Variants in GLI3 observed in about 807,000 individuals in gnomAD.
The protein encoded by GLI3 is GLI family zinc finger 3, also known as transcription activator GLI3.
A neutral mutation model predicts 100.8 loss-of-function variants in GLI3; 20 were observed. The observed-to-expected ratio is 0.20, with a 90% CI of 0.14 to 0.29. The LOEUF (loss-of-function observed/expected upper bound fraction) is 0.29. Among genes scored for constraint, GLI3 ranks in the 10% least tolerant of loss-of-function variants. GLI3 has a pLI of 1.00. For synonymous variants in GLI3, 938 were observed against 860.5 expected, an observed-to-expected ratio of 1.09 and a Z score of -1.58; for missense variants, 2,040 against 2,128.5, an observed-to-expected ratio of 0.96 and a Z score of 0.82.
rs1157972887 is a variant in GLI3, at chr7:42,113,413, G to C, written c.367+34813C>G. On this transcript the variant is annotated intron_variant, in intron 3 of 14. Coordinates refer to ENST00000395925, the MANE Select transcript of GLI3 (RefSeq NM_000168.6). Reference sequence around the variant, plus strand: ...GGATGCTGAAGGAGATGAAGCCAAGGTGAAGGATGAACCACAGAGAAGATC... The same window carrying C: ...GGATGCTGAAGGAGATGAAGCCAAGCTGAAGGATGAACCACAGAGAAGATC... The C allele has an allele frequency of 8.4e-6, 6 of 716,126 alleles. No individual in the cohort carries two copies. The East Asian group carries it at 1.6e-4, about 19-fold the overall frequency. 44.4% of individuals were successfully genotyped at this position (716,126 alleles called of 1,614,324 possible).
intron 3 of GLI3, among the ~76,000 whole-genome samples, chr7:42,142,429 C>T (rs193226700): frequency 1.3e-5 from 2 of 152,170 alleles, no homozygotes; most frequent in African/African-American, 4.8e-5. Context: ...TCTTTTCTTT[C>T]TCTTCCTGAC....
intron 3 of GLI3, among the ~76,000 whole-genome samples, chr7:42,140,098 T>A (rs963721828): frequency 6.6e-6 from 1 of 152,206 alleles, no homozygotes; most frequent in Non-Finnish European, 1.5e-5. Context: ...CCTTGACAAA[T>A]GCTCCTTTTT....
At chr7:41,968,758 AAGAAGGAAAGAAAG>A (rs1787286290) in intron 13 of GLI3, among the ~76,000 whole-genome samples, 1 of 101,544 alleles carries the variant, frequency 9.8e-6, no homozygotes, top group African/African-American at 3.6e-5. Context: ...GAAAGAAAGA[AAGAAGGAAAGAAAG>A]AAAGAAAGAA....
chr7:42,151,726 T>G lies in GLI3; in HGVS notation c.125-3258A>C, dbSNP rs114582354. On this transcript the variant is annotated intron_variant, in intron 2 of 14. Transcript: ENST00000395925. ...AAAATGACTTTAAATACTGTCATCA[T>G]AATCCCACTTTGTACCTCCTTCTCT... The G allele has an allele frequency of 5.4e-3, 826 of 152,344 alleles. 10 individuals carry two copies. Among genetic ancestry groups the G allele is most frequent in the African/African-American group, 0.019 (784 of 41,576 alleles). 9.4% of individuals were successfully genotyped at this position (152,344 alleles called of 1,614,324 possible). A position where few individuals can be genotyped will look rare whatever the true frequency, so the allele number is the denominator to read the frequency against.
intron 3 of GLI3, chr7:42,145,487 T>G: frequency 2.5e-6 from 1 of 398,420 alleles, no homozygotes; most frequent in Non-Finnish European, 4.4e-6. Context: ...TGAGAAAAGA[T>G]TATGTTCAGA....
chr7:42,132,217 C>T (rs1368491554), intron 3 of GLI3, among the ~76,000 whole-genome samples: 3 of 150,666 alleles, frequency 2.0e-5, no homozygotes, highest in Admixed American at 1.3e-4. Context: ...TCTCCTGCCT[C>T]AGCCTCCCGA....
intron 2 of GLI3, among the ~76,000 whole-genome samples, chr7:42,221,069 AT>A (rs1416058047): frequency 2.0e-5 from 3 of 152,186 alleles, no homozygotes; most frequent in Non-Finnish European, 4.4e-5. Flanking sequence ...GAAACAGGTG[AT>A]TATTTAACAC....
chr7:42,034,869 C>T (rs914205038), intron 7 of GLI3, among the ~76,000 whole-genome samples: 2 of 152,094 alleles, frequency 1.3e-5, no homozygotes, highest in African/African-American at 4.8e-5. Flanking sequence ...TGCTTAGAGG[C>T]TTTTCCCTTC....
At position 42,148,392 on chromosome 7, in the gene GLI3, C is replaced by A; in HGVS notation, c.201G>T (p.Gly67=). Residue 67 remains glycine (G), a synonymous_variant, in exon 3 of 15, where the codon GGG becomes GGT. Transcript: ENST00000395925. ...AITMQPQNVQ[G]LSKVSEEPST... The stretch of plus-strand genomic sequence containing the variant: ...AAGGTTCCTCACTGACTTTGCTGAG[C>A]CCCTGGACATTCTGTGGCTGCATAG... The A allele has an allele frequency of 1.2e-6, 2 of 1,614,126 alleles. No individual in the cohort carries two copies. Among genetic ancestry groups the A allele is most frequent in the South Asian group, 1.1e-5 (1 of 91,080 alleles).
intron 3 of GLI3, among the ~76,000 whole-genome samples, chr7:42,140,476 A>G (rs1261631506): frequency 2.6e-5 from 4 of 152,248 alleles, no homozygotes; most frequent in Non-Finnish European, 5.9e-5. Flanking sequence ...GCCCCCCTCA[A>G]AAGAAGTGAA....
At chr7:42,025,468 C>A in intron 8 of GLI3, 91 bp from the exon 9 acceptor site, 1 of 909,184 alleles carries the variant, frequency 1.1e-6, no homozygotes, top group Non-Finnish European at 1.8e-6. Context: ...TCGGGACAAG[C>A]GGTCTTATTT....
At chr7:42,055,105 GTATATATACACA>G (rs913943030) in intron 4 of GLI3, among the ~76,000 whole-genome samples, 57 of 138,624 alleles carry the variant, frequency 4.1e-4, no homozygotes, top group African/African-American at 1.4e-3. Flanking sequence ...ACACATATAT[GTATATATACACA>G]TATATATACA....
intron 13 of GLI3, among the ~76,000 whole-genome samples, chr7:41,970,097 A>T (rs1787326676): frequency 1.3e-5 from 2 of 150,074 alleles, no homozygotes; most frequent in African/African-American, 2.5e-5. Flanking sequence ...AACAGAAAAA[A>T]GTAAATGTTA....
chr7:42,117,226 T>A (rs910467362), intron 3 of GLI3, among the ~76,000 whole-genome samples: 1 of 152,104 alleles, frequency 6.6e-6, no homozygotes, highest in African/African-American at 2.4e-5. Flanking sequence ...GAAGAAAAGA[T>A]AGTGGTAGGG....
chr7:41,972,481 C>T lies in GLI3; in HGVS notation c.1959G>A (p.Pro653=), dbSNP rs148226583. The T allele has an allele frequency of 7.4e-4, 1,200 of 1,613,630 alleles. No homozygotes were observed. The highest frequency in any genetic ancestry group is 9.3e-4 in the Non-Finnish European group (1,100 of 1,180,014). ...ACTGTGAATGGCTGCCGGAATCTCT[C>T]GGGGGTGGCGGCCGAGGATGGATGT... is the stretch of plus-strand genomic sequence containing the variant. ...RGDIHPRPPP[P]RDSGSHSQSR... Residue 653 remains proline, a synonymous_variant, in exon 13 of 15, where the codon CCG becomes CCA. Coordinates refer to ENST00000395925, the MANE Select transcript of GLI3 (RefSeq NM_000168.6). This position sits in a 1 kb window ranked among gnomAD's most constrained non-coding sequence, Gnocchi z 4.4.
intron 4 of GLI3, among the ~76,000 whole-genome samples, chr7:42,071,810 C>T (rs972588992): frequency 6.6e-6 from 1 of 152,158 alleles, no homozygotes; most frequent in Non-Finnish European, 1.5e-5. Flanking sequence ...TTACCTATTT[C>T]CAGTGCACTC....
intron 10 of GLI3, among the ~76,000 whole-genome samples, chr7:42,022,499 AAGAG>A (rs1231043237): frequency 6.6e-6 from 1 of 152,184 alleles, no homozygotes; most frequent in African/African-American, 2.4e-5. Flanking sequence ...GAAAGAGAAA[AAGAG>A]AGAGAGCAGG....
At chr7:42,036,381 A>G (rs1245722477) in intron 7 of GLI3, among the ~76,000 whole-genome samples, 1 of 152,204 alleles carries the variant, frequency 6.6e-6, no homozygotes, top group African/African-American at 2.4e-5. Flanking sequence ...CTCAAGAAAT[A>G]TTTACTGAAT....
At chr7:42,163,502 C>A (rs550090067) in intron 2 of GLI3, among the ~76,000 whole-genome samples, 1 of 151,722 alleles carries the variant, frequency 6.6e-6, no homozygotes. Context: ...TATCTCGGCT[C>A]ACTGCAACCT....
Sources: gnomAD v4.1 joint callset for allele counts (sites outside exome capture counted in the v4.1 genomes callset) on GRCh38, gnomAD v4.1.1 for gene constraint, Gnocchi (gnomAD v3.1) non-coding constraint, MANE v1.5 for transcripts, NCBI Gene and HGNC (gene_info 2026-07-23, HGNC 2026-07-21) for gene names.